DYNC1I1: variants seen among roughly 807,000 people sequenced by gnomAD.
DYNC1I1 encodes the protein dynein cytoplasmic 1 intermediate chain 1, also known as cytoplasmic dynein 1 intermediate chain 1.
DYNC1I1 carries 43 observed loss-of-function variants against 86.6 expected under a neutral mutation model. The observed-to-expected ratio is 0.50, with a 90% CI of 0.39 to 0.64. The LOEUF is 0.64. Among genes scored for constraint, DYNC1I1 ranks in the 30% least tolerant of loss-of-function variants. The pLI is 0.00. For synonymous variants in DYNC1I1, 262 were observed against 283.7 expected (o/e 0.92, Z 0.77); for missense variants, 604 against 788.8 (o/e 0.77, Z 2.81).
intron 1 of DYNC1I1, among the ~76,000 whole-genome samples, chr7:95,776,572 T>C (rs1793845755): frequency 6.6e-6 from 1 of 152,208 alleles, no homozygotes; most frequent in Non-Finnish European, 1.5e-5. Flanking sequence ...CTGGTTTACA[T>C]ATGCTGTTTA....
In DYNC1I1 at chr7:96,063,081, GTA is replaced by G. The variant is rs1789832643; in HGVS notation, c.1510-12974_1510-12973del. On this transcript the variant is annotated intron_variant, in intron 14 of 16. Transcript: ENST00000447467. ...TGTCTTCAGAAAGGGGAATATATGTGTATGTGTGTGTGTGTGTGTATATATAT... is the reference window on the plus strand; with the variant it reads ...TGTCTTCAGAAAGGGGAATATATGTGTGTGTGTGTGTGTGTGTATATATAT... Among the ~76,000 whole-genome samples, 3 of 150,272 alleles carry G rather than the reference GTA, an allele frequency of 2.0e-5. 1 individual carries two copies. The highest frequency in any genetic ancestry group is 4.9e-5 in the African/African-American group (2 of 40,502).
intron 1 of DYNC1I1, among the ~76,000 whole-genome samples, chr7:95,796,798 G>T (rs1056379242): frequency 6.6e-6 from 1 of 151,562 alleles, no homozygotes; most frequent in African/African-American, 2.4e-5. Flanking sequence ...CCTAAGCTGG[G>T]GAACCCCTAG....
intron 5 of DYNC1I1, among the ~76,000 whole-genome samples, chr7:95,845,406 C>G (rs1258362848): frequency 2.0e-5 from 3 of 152,168 alleles, no homozygotes; most frequent in Non-Finnish European, 4.4e-5. Context: ...TGCCATTTGC[C>G]TAACAGAACA....
At chr7:95,888,574 T>C (rs1790656856) in intron 6 of DYNC1I1, among the ~76,000 whole-genome samples, 1 of 152,222 alleles carries the variant, frequency 6.6e-6, no homozygotes, top group Non-Finnish European at 1.5e-5. Context: ...AGTGCTCATA[T>C]GCATGTGTAT....
chr7:96,028,471 G>A, intron 11 of DYNC1I1, 150 bp downstream of exon 11: 1 of 1,106,776 alleles, frequency 9.0e-7, no homozygotes, highest in Non-Finnish European at 1.2e-6. Context: ...AAAGTTGAGT[G>A]AAAAGTAGAT....
At chr7:95,880,910 T>C (rs1291188891) in intron 6 of DYNC1I1, among the ~76,000 whole-genome samples, 1 of 152,022 alleles carries the variant, frequency 6.6e-6, no homozygotes, top group African/African-American at 2.4e-5. Context: ...CTCCCATAAC[T>C]TGCATTTTCA....
intron 6 of DYNC1I1, among the ~76,000 whole-genome samples, chr7:95,908,640 G>T (rs915364279): frequency 6.6e-6 from 1 of 152,082 alleles, no homozygotes; most frequent in Non-Finnish European, 1.5e-5. Flanking sequence ...AGGGGTGGGG[G>T]TTCATCCATA....
chr7:95,947,249 T>C (rs527997971), intron 6 of DYNC1I1, among the ~76,000 whole-genome samples: 4 of 152,288 alleles, frequency 2.6e-5, no homozygotes, highest in African/African-American at 9.6e-5. Context: ...CTTCTGTAAA[T>C]ATCTACTCAC....
intron 9 of DYNC1I1, among the ~76,000 whole-genome samples, chr7:95,989,804 G>A (rs901224556): frequency 6.6e-6 from 1 of 152,186 alleles, no homozygotes; most frequent in African/African-American, 2.4e-5. Context: ...TGAAAAATGT[G>A]TTGTATATGA....
intron 6 of DYNC1I1, among the ~76,000 whole-genome samples, chr7:95,877,309 T>C (rs575471998): frequency 6.6e-6 from 1 of 152,330 alleles, no homozygotes; most frequent in South Asian, 2.1e-4. Flanking sequence ...GCTGAGAACA[T>C]GGGACCCCAA....
chr7:95,908,721 C>T (rs1262022592), intron 6 of DYNC1I1, among the ~76,000 whole-genome samples: 1 of 152,086 alleles, frequency 6.6e-6, no homozygotes, highest in East Asian at 1.9e-4. Flanking sequence ...GTGATTTTCC[C>T]CAGCGGTTGG....
intron 14 of DYNC1I1, among the ~76,000 whole-genome samples, chr7:96,056,440 TA>T (rs1789579741): frequency 6.6e-6 from 1 of 152,160 alleles, no homozygotes; most frequent in African/African-American, 2.4e-5. Flanking sequence ...ATTGGGAAAA[TA>T]GTTCCTTAAC....
intron 1 of DYNC1I1, among the ~76,000 whole-genome samples, chr7:95,788,683 A>G (rs906678678): frequency 2.0e-5 from 3 of 152,134 alleles, no homozygotes; most frequent in Admixed American, 6.5e-5. Flanking sequence ...TTCTCCTTCT[A>G]TTGTAATAGG....
intron 8 of DYNC1I1, among the ~76,000 whole-genome samples, chr7:95,985,994 C>G (rs1485528857): frequency 6.8e-6 from 1 of 147,916 alleles, no homozygotes; most frequent in African/African-American, 2.5e-5. Flanking sequence ...GTGTGCCTGG[C>G]TCAGTATTAT....
chr7:95,797,133 C>T (rs1396427006), intron 1 of DYNC1I1, among the ~76,000 whole-genome samples: 5 of 152,048 alleles, frequency 3.3e-5, no homozygotes, highest in South Asian at 2.1e-4. Flanking sequence ...AATGGGAACA[C>T]GCAAAGCCTT....
At chr7:95,792,772 T>C (rs1794337383) in intron 1 of DYNC1I1, among the ~76,000 whole-genome samples, 1 of 152,070 alleles carries the variant, frequency 6.6e-6, no homozygotes, top group African/African-American at 2.4e-5. Context: ...CCACACTGGA[T>C]GCCCTAGGAA....
chr7:95,898,794 A>G (rs561168922), intron 6 of DYNC1I1, among the ~76,000 whole-genome samples: 24 of 152,342 alleles, frequency 1.6e-4, no homozygotes, highest in African/African-American at 5.0e-4. Flanking sequence ...AAACGCTTTC[A>G]TGAGCTTAAA....
chr7:95,864,449 T>A (rs554052869), intron 5 of DYNC1I1, among the ~76,000 whole-genome samples: 1 of 152,330 alleles, frequency 6.6e-6, no homozygotes, highest in Non-Finnish European at 1.5e-5. Flanking sequence ...AAGAAACATT[T>A]CAACTTTCTT....
chr7:96,106,027 T>G (rs1411880535), intron 16 of DYNC1I1, among the ~76,000 whole-genome samples: 1 of 152,176 alleles, frequency 6.6e-6, no homozygotes, highest in African/African-American at 2.4e-5. Context: ...CTAAATTATG[T>G]TTTCTTTAAA....
Sources: gnomAD v4.1 joint callset for allele counts (sites outside exome capture counted in the v4.1 genomes callset) on GRCh38, gnomAD v4.1.1 for gene constraint, MANE v1.5 for transcripts, NCBI Gene and HGNC (gene_info 2026-07-23, HGNC 2026-07-21) for gene names.